YTHDC2: variants seen among roughly 807,000 people sequenced by gnomAD.
YTHDC2 encodes the protein YTH N6-methyladenosine RNA binding protein C2, also known as 3'-5' RNA helicase YTHDC2.
Under a neutral mutation model 174.9 loss-of-function variants are expected in YTHDC2, and 45 were observed. That is an observed-to-expected ratio of 0.26 (90% CI 0.20 to 0.33). The LOEUF (loss-of-function observed/expected upper bound fraction) is 0.33. Ranked by LOEUF, YTHDC2 falls within the 10% of genes least tolerant of loss-of-function variation. YTHDC2 has a pLI of 1.00. For synonymous variants in YTHDC2, 657 were observed against 574.5 expected (o/e 1.14, Z -2.05); for missense variants, 1,650 against 1,723.7 (o/e 0.96, Z 0.76).
intron 5 of YTHDC2, among the ~76,000 whole-genome samples, chr5:113,533,989 T>A (rs75101522): frequency 6.6e-6 from 1 of 152,224 alleles, no homozygotes; most frequent in African/African-American, 2.4e-5. Context: ...GTACTTTTTT[T>A]ATTCTCAGTG....
chr5:113,524,534 CTCAT>C (rs1370811036), intron 2 of YTHDC2, among the ~76,000 whole-genome samples: 1 of 152,038 alleles, frequency 6.6e-6, no homozygotes, highest in Admixed American at 6.5e-5. Context: ...ATGGGAGTGT[CTCAT>C]TACCAACATA....
At chr5:113,589,758 A>G (rs991123462) in intron 26 of YTHDC2, among the ~76,000 whole-genome samples, 13 of 151,786 alleles carry the variant, frequency 8.6e-5, no homozygotes, top group African/African-American at 3.1e-4. Flanking sequence ...AATATCTTCC[A>G]TTTCTCCTCT....
At chr5:113,527,067 A>G (rs1774311825) in intron 4 of YTHDC2, among the ~76,000 whole-genome samples, 1 of 152,126 alleles carries the variant, frequency 6.6e-6, no homozygotes, top group South Asian at 2.1e-4. Flanking sequence ...CTGATTTGGT[A>G]TCATGGAAAG....
At chr5:113,563,598 C>A in intron 19 of YTHDC2, 106 bp downstream of exon 19, 2 of 1,266,566 alleles carry the variant, frequency 1.6e-6, no homozygotes, top group Admixed American at 2.6e-5. Context: ...TTATTTTTGT[C>A]CTCCTGCATG....
chr5:113,583,384 T>C (rs1778505631), intron 25 of YTHDC2: 1 of 152,208 alleles, frequency 6.6e-6, no homozygotes, highest in African/African-American at 2.4e-5. Flanking sequence ...TTCAAGGAAC[T>C]AGGTCAGTGG....
Position 113,548,582 on chromosome 5 carries a change from G to A in YTHDC2, c.1537G>A (p.Val513Ile), listed in dbSNP as rs1459427554. Reference protein sequence around the residue: ...HSETSATALMVAAGRGFASQV... With the variant: ...HSETSATALMIAAGRGFASQV... ...TGAAACCAGTGCAACAGCTCTGATG[G>A]TTGCTGCAGGACGTGGCTTTGCAAG... Residue 513 changes from valine to isoleucine, a missense_variant, in exon 11 of 30, where the codon GTT (valine) becomes ATT (isoleucine). Around this residue, in one of 5 missense-constraint regions of YTHDC2, gnomAD observed 411 missense variants for 380.6 expected, o/e 1.08. Transcript: ENST00000161863. The A allele has an allele frequency of 6.2e-7, 1 of 1,613,218 alleles. No individual in the cohort carries two copies.
chr5:113,561,957 G>GGGGTGTGTGTGTGT (rs1554099023), intron 18 of YTHDC2, among the ~76,000 whole-genome samples: 6 of 134,872 alleles, frequency 4.4e-5, no homozygotes, highest in Non-Finnish European at 9.4e-5. Flanking sequence ...ATTAATTGTG[G>GGGGTGTGTGTGTGT]GTGTGTGTGT....
At chr5:113,593,162 A>C in intron 28 of YTHDC2, 141 bp from the exon 29 acceptor site, 1 of 606,284 alleles carries the variant, frequency 1.6e-6, no homozygotes, top group Non-Finnish European at 2.9e-6. Flanking sequence ...AGAACAATTC[A>C]TACCAGATGA....
Position 113,561,061 on chromosome 5 carries a change from C to T in YTHDC2, c.2217-19C>T. On this transcript the variant is annotated intron_variant, in intron 17 of 29. Transcript: ENST00000161863. ...CTTTATTCGTTGTTTGAGTCCTAAT[C>T]TTGTACTTTATTTTTAAGGGCAGGG... The T allele has an allele frequency of 6.3e-7, 1 of 1,588,032 alleles. No individual in the cohort carries two copies. The highest frequency in any genetic ancestry group is 8.6e-7 in the Non-Finnish European group (1 of 1,165,450).
intron 23 of YTHDC2, among the ~76,000 whole-genome samples, chr5:113,579,027 C>G (rs956930069): frequency 1.3e-5 from 2 of 151,726 alleles, no homozygotes; most frequent in Non-Finnish European, 2.9e-5. Context: ...TTTCTTCTTC[C>G]TTTATTAAAT....
chr5:113,575,113 C>G (rs577327528), intron 23 of YTHDC2, among the ~76,000 whole-genome samples: 69 of 152,264 alleles, frequency 4.5e-4, no homozygotes, highest in African/African-American at 1.6e-3. Context: ...GTTGAAGATG[C>G]TGAATTCATT....
chr5:113,528,727 T>C (rs972584049), intron 4 of YTHDC2, among the ~76,000 whole-genome samples: 23 of 152,166 alleles, frequency 1.5e-4, no homozygotes, highest in Non-Finnish European at 1.0e-4. Flanking sequence ...GAGGCTGGTC[T>C]TTGACTCCTG....
chr5:113,559,004 T>C (rs1156667207), intron 17 of YTHDC2, among the ~76,000 whole-genome samples: 1 of 151,400 alleles, frequency 6.6e-6, no homozygotes. Flanking sequence ...TAAGAAGATA[T>C]AATACAGATG....
rs1561700561 is a variant in YTHDC2 at position 113,579,636 on chromosome 5, A to G, written c.3295A>G (p.Thr1099Ala). ...SSDSEMEDKT[T>A]ANLAALKLDE... ...TGATAGTGAAATGGAGGACAAAACT[A>G]CAGCTAATTTGGCAGCCTTGAAACT... Residue 1099 changes from threonine (T) to alanine (A), a missense_variant, in exon 24 of 30, where the codon ACA becomes GCA. Coordinates refer to ENST00000161863, the MANE Select transcript of YTHDC2 (RefSeq NM_022828.5). 7 of 1,611,334 alleles carry G rather than the reference A, an allele frequency of 4.3e-6. No individual in the cohort carries two copies. Among genetic ancestry groups the G allele is most frequent in the Non-Finnish European group, 5.9e-6 (7 of 1,178,464 alleles).
intron 16 of YTHDC2, among the ~76,000 whole-genome samples, chr5:113,555,326 C>T (rs1235057429): frequency 7.8e-6 from 1 of 128,530 alleles, no homozygotes; most frequent in Non-Finnish European, 1.8e-5. Context: ...ATTTTATAAA[C>T]TATTATGCAA....
chr5:113,523,127 A>G (rs151331561), intron 2 of YTHDC2, among the ~76,000 whole-genome samples: 86 of 152,252 alleles, frequency 5.6e-4, no homozygotes, highest in African/African-American at 2.0e-3. Flanking sequence ...GCATAAAGTC[A>G]GTGTTTAGTT....
Position 113,565,950 on chromosome 5 carries a change from C to A in YTHDC2, c.2773C>A (p.Leu925Ile), listed in dbSNP as rs750964179. ...GCGAGCCTTTTGTGAAAAGAATTTT[C>A]TTTCACAGGCTACTATGGAAATAAT... ...WERAFCEKNF[L>I]SQATMEIIIG... is the part of the protein sequence containing the mutation. Residue 925 changes from leucine (L) to isoleucine (I), a missense_variant, in exon 21 of 30, where the codon CTT becomes ATT. Leu to Ile is a conservative substitution (Grantham distance 5, BLOSUM62 2). This residue lies in a region of YTHDC2 where 913 missense variants were observed against 940.4 expected (regional missense o/e 0.97). Coordinates refer to ENST00000161863, the MANE Select transcript of YTHDC2 (RefSeq NM_022828.5). The A allele has an allele frequency of 6.2e-7, 1 of 1,613,520 alleles. No individual in the cohort carries two copies. Among genetic ancestry groups the A allele is most frequent in the African/African-American group, 1.3e-5 (1 of 74,850 alleles).
At chr5:113,575,207 A>G (rs1306146057) in intron 23 of YTHDC2, among the ~76,000 whole-genome samples, 1 of 152,180 alleles carries the variant, frequency 6.6e-6, no homozygotes, top group Admixed American at 6.6e-5. Context: ...GGCATAACAC[A>G]TTTAAAATGT....
At chr5:113,525,318 A>G in intron 3 of YTHDC2, 141 bp downstream of exon 3, 2 of 818,070 alleles carry the variant, frequency 2.4e-6, no homozygotes, top group Non-Finnish European at 3.6e-6. Context: ...TAAGAGTTGT[A>G]AAAATTTGAA....
Sources: gnomAD v4.1 joint callset for allele counts (sites outside exome capture counted in the v4.1 genomes callset) on GRCh38, gnomAD v4.1.1 for gene constraint, gnomAD v4.1.1 regional missense constraint, MANE v1.5 for transcripts, NCBI Gene and HGNC (gene_info 2026-07-23, HGNC 2026-07-21) for gene names.